Variants in EPYC observed in about 807,000 individuals in gnomAD.
EPYC encodes the protein dermatan sulfate proteoglycan 3.
EPYC carries 28 observed loss-of-function variants against 30.1 expected under a neutral mutation model. That is an observed-to-expected ratio of 0.93 (90% CI 0.69 to 1.28). EPYC has a LOEUF of 1.28. EPYC is among the 50% of genes most tolerant of loss of function. The pLI is 0.00. For synonymous variants in EPYC, 144 were observed against 141.4 expected, an observed-to-expected ratio of 1.02 and a Z score of -0.13; for missense variants, 382 against 383.5, an observed-to-expected ratio of 1.00 and a Z score of 0.03.
At chr12:90,984,427 C>T (rs1366776659) in intron 2 of EPYC, among the ~76,000 whole-genome samples, 3 of 152,064 alleles carry the variant, frequency 2.0e-5, no homozygotes, top group East Asian at 1.9e-4. Context: ...CATCCTAAGC[C>T]ATTGAGACCA....
chr12:90,970,978 A>G (rs1877029464), intron 5 of EPYC, among the ~76,000 whole-genome samples: 1 of 152,226 alleles, frequency 6.6e-6, no homozygotes, highest in African/African-American at 2.4e-5. Context: ...CTGTTTTTCA[A>G]AGCAAGTCCT....
At chr12:91,004,181 A>G (rs781773651) in intron 1 of EPYC, among the ~76,000 whole-genome samples, 45 of 152,128 alleles carry the variant, frequency 3.0e-4, no homozygotes, top group Non-Finnish European at 5.7e-4. Flanking sequence ...ATTTTTCCTT[A>G]TATGTTTCTG....
chr12:90,991,799 T>C (rs1010309975), intron 2 of EPYC, among the ~76,000 whole-genome samples: 2 of 152,184 alleles, frequency 1.3e-5, no homozygotes, highest in Non-Finnish European at 2.9e-5. Context: ...GCTCTAGAGC[T>C]GATTCAAATA....
intron 2 of EPYC, among the ~76,000 whole-genome samples, chr12:90,994,194 C>T (rs147105954): frequency 6.6e-6 from 1 of 152,188 alleles, no homozygotes; most frequent in Non-Finnish European, 1.5e-5. Flanking sequence ...AATGTGAACC[C>T]AAGCACAATG....
chr12:90,970,814 G>A (rs1290363679), intron 5 of EPYC, among the ~76,000 whole-genome samples: 1 of 152,176 alleles, frequency 6.6e-6, no homozygotes, highest in Non-Finnish European at 1.5e-5. Context: ...GTGGTTATGA[G>A]GCCACACTAT....
intron 2 of EPYC, among the ~76,000 whole-genome samples, chr12:90,987,586 C>T (rs1220493727): frequency 6.6e-6 from 1 of 152,172 alleles, no homozygotes; most frequent in East Asian, 1.9e-4. Flanking sequence ...CTTCATTATA[C>T]ATGCTAACAT....
intron 3 of EPYC, among the ~76,000 whole-genome samples, chr12:90,977,184 C>T (rs1464766738): frequency 6.6e-6 from 1 of 152,074 alleles, no homozygotes; most frequent in Non-Finnish European, 1.5e-5. Context: ...ATTCACTCAA[C>T]CTTTGCAGGG....
chr12:90,996,212 G>A (rs1318902976), intron 2 of EPYC, among the ~76,000 whole-genome samples: 3 of 151,544 alleles, frequency 2.0e-5, no homozygotes, highest in African/African-American at 7.3e-5. Flanking sequence ...GTCCTATACC[G>A]ATTTATTATA....
At chr12:90,979,741 G>A (rs1312677658) in intron 2 of EPYC, among the ~76,000 whole-genome samples, 2 of 152,056 alleles carry the variant, frequency 1.3e-5, no homozygotes, top group East Asian at 1.9e-4. Context: ...AGTATGTCAT[G>A]TCTTTTATCT....
intron 2 of EPYC, among the ~76,000 whole-genome samples, chr12:90,983,988 T>C (rs1877386159): frequency 6.6e-6 from 1 of 152,030 alleles, no homozygotes; most frequent in South Asian, 2.1e-4. Context: ...ATGGGGAGCC[T>C]CAGAAATGAT....
chr12:90,980,738 T>G (rs1877306233), intron 2 of EPYC, among the ~76,000 whole-genome samples: 1 of 152,220 alleles, frequency 6.6e-6, no homozygotes, highest in African/African-American at 2.4e-5. Flanking sequence ...TACTTGAATG[T>G]AAACATAATT....
At chr12:90,979,728 T>A (rs1394588665) in intron 2 of EPYC, among the ~76,000 whole-genome samples, 1 of 152,162 alleles carries the variant, frequency 6.6e-6, no homozygotes, top group East Asian at 1.9e-4. Flanking sequence ...TGCTGGATGG[T>A]AAAGTATGTC....
chr12:90,967,328 T>TA (rs397818442), intron 6 of EPYC, among the ~76,000 whole-genome samples: 1 of 151,970 alleles, frequency 6.6e-6, no homozygotes, highest in Non-Finnish European at 1.5e-5. Flanking sequence ...TGATTTTTTT[T>TA]AACTTTCTTG....
chr12:90,985,632 G>A (rs1465726102), intron 2 of EPYC, among the ~76,000 whole-genome samples: 1 of 150,358 alleles, frequency 6.7e-6, no homozygotes, highest in Non-Finnish European at 1.5e-5. Context: ...TGTTATCTGT[G>A]TGATTTGCAA....
intron 3 of EPYC, among the ~76,000 whole-genome samples, chr12:90,976,797 T>G (rs1187946204): frequency 1.3e-5 from 2 of 152,108 alleles, no homozygotes; most frequent in Admixed American, 1.3e-4. Flanking sequence ...GGGGGCGGCT[T>G]CCCTCATACT....
chr12:90,977,685 T>C (rs1877218683), intron 3 of EPYC, among the ~76,000 whole-genome samples: 1 of 152,156 alleles, frequency 6.6e-6, no homozygotes. Context: ...TAGTATATGC[T>C]CAATTAGTGC....
intron 2 of EPYC, among the ~76,000 whole-genome samples, chr12:90,992,589 C>T (rs140322013): frequency 2.0e-5 from 3 of 152,266 alleles, no homozygotes; most frequent in Non-Finnish European, 4.4e-5. Context: ...AATTCAAAGC[C>T]TTCAAATATT....
At chr12:90,995,404 G>C (rs1410475153) in intron 2 of EPYC, among the ~76,000 whole-genome samples, 1 of 151,982 alleles carries the variant, frequency 6.6e-6, no homozygotes, top group African/African-American at 2.4e-5. Flanking sequence ...TAATTTCAGA[G>C]AAAAGAAACC....
chr12:90,984,286 G>A (rs895623547), intron 2 of EPYC, among the ~76,000 whole-genome samples: 10 of 152,142 alleles, frequency 6.6e-5, no homozygotes, highest in African/African-American at 1.4e-4. Context: ...CAACTATTCC[G>A]ATCAGCAGGG....
Sources: gnomAD v4.1 joint callset for allele counts (sites outside exome capture counted in the v4.1 genomes callset) on GRCh38, gnomAD v4.1.1 for gene constraint, MANE v1.5 for transcripts, NCBI Gene and HGNC (gene_info 2026-07-23, HGNC 2026-07-21) for gene names.